CCDC32: variants seen among roughly 807,000 people sequenced by gnomAD.
CCDC32 encodes the protein coiled-coil domain-containing protein 32.
In CCDC32, 9 loss-of-function variants were observed where a neutral mutation model predicts 20.1. The observed-to-expected ratio is 0.45, with a 90% CI of 0.27 to 0.78. CCDC32 has a LOEUF of 0.78. Ranked by LOEUF, CCDC32 falls within the 30% of genes least tolerant of loss-of-function variation. The pLI is 0.16. For synonymous variants in CCDC32, 63 were observed against 79.0 expected (o/e 0.80, Z 1.07); for missense variants, 204 against 215.5 (o/e 0.95, Z 0.33).
chr15:40,547,149 A>G (rs1422944015), intron 3 of CCDC32, among the ~76,000 whole-genome samples: 1 of 151,976 alleles, frequency 6.6e-6, no homozygotes, highest in East Asian at 1.9e-4. Flanking sequence ...GGAATTGGAC[A>G]GGGTTTGGGT....
chr15:40,539,316 A>C (rs1185526301), exon 4 of CCDC32: 1 of 1,535,594 alleles, frequency 6.5e-7, no homozygotes, highest in South Asian at 1.2e-5. Flanking sequence ...CTCCATCCTC[A>C]GAAAAGCTGC....
chr15:40,528,156 C>T (rs1894923319), downstream of CCDC32, among the ~76,000 whole-genome samples: 1 of 152,210 alleles, frequency 6.6e-6, no homozygotes, highest in African/African-American at 2.4e-5. Flanking sequence ...AAGCTCTGGC[C>T]GCTCTCATGG....
intron 3 of CCDC32, among the ~76,000 whole-genome samples, chr15:40,543,776 C>T (rs1256362099): frequency 6.6e-6 from 1 of 152,070 alleles, no homozygotes; most frequent in Non-Finnish European, 1.5e-5. Flanking sequence ...TCTTTGGCCC[C>T]TCAGCTCTCT....
intron 3 of CCDC32, among the ~76,000 whole-genome samples, chr15:40,554,954 T>C (rs1566983576): frequency 6.6e-6 from 1 of 152,230 alleles, no homozygotes; most frequent in South Asian, 2.1e-4. Context: ...TATGGGGGAA[T>C]TTATGTTTTG....
At position 40,553,291 on chromosome 15, in the gene CCDC32, T is replaced by C; in HGVS notation, c.*680A>G. The C allele has an allele frequency of 1.0e-6, 1 of 985,384 alleles. No homozygotes were observed. Among genetic ancestry groups the C allele is most frequent in the Non-Finnish European group, 1.2e-6 (1 of 829,942 alleles). The allele number at this position is 985,384 out of a possible 1,614,324, so 61.0% of individuals were successfully genotyped here. ...GGCCCTTTTTAAGTGCAGGAGGAAGTTGGAGGAGAAGCCATGCATGAAGTA... is the reference window on the plus strand; with the variant it reads ...GGCCCTTTTTAAGTGCAGGAGGAAGCTGGAGGAGAAGCCATGCATGAAGTA... On this transcript the variant is annotated 3_prime_UTR_variant, in exon 4 of 4. Transcript: ENST00000416810.
intron 3 of CCDC32, among the ~76,000 whole-genome samples, chr15:40,541,616 G>A (rs1001431756): frequency 9.9e-5 from 15 of 152,106 alleles, no homozygotes; most frequent in Non-Finnish European, 1.5e-4. Context: ...ACAGGCCACC[G>A]CGCTTAGCCT....
At chr15:40,548,864 T>C (rs914754891), downstream of CCDC32, among the ~76,000 whole-genome samples, 7 of 152,166 alleles carry the variant, frequency 4.6e-5, no homozygotes, top group Non-Finnish European at 8.8e-5. Context: ...GGAGGGAATA[T>C]TGACTGAAGA....
chr15:40,522,237 T>A, the CCDC32 span, among the ~76,000 whole-genome samples: 2 of 152,206 alleles, frequency 1.3e-5, no homozygotes, highest in African/African-American at 4.8e-5. Context: ...TTCAATTGTC[T>A]TGACACTCTT....
At chr15:40,561,721 C>T (rs8042733) in intron 2 of CCDC32, among the ~76,000 whole-genome samples, 45,998 of 151,564 alleles carry the variant, frequency 0.3, 7,187 homozygotes, top group Middle Eastern at 0.38. Flanking sequence ...TAGGGCCAAG[C>T]GCGGTGGCAC....
At chr15:40,539,224 C>A, downstream of CCDC32, 1 of 1,533,312 alleles carries the variant, frequency 6.5e-7, no homozygotes, top group South Asian at 1.2e-5. Flanking sequence ...CTGCCTGGCC[C>A]GCCCTGGCTG....
chr15:40,560,525 A>G (rs750135712), intron 2 of CCDC32, among the ~76,000 whole-genome samples: 1 of 152,214 alleles, frequency 6.6e-6, no homozygotes, highest in Non-Finnish European at 1.5e-5. Context: ...CAGAAAGAAA[A>G]AAACAATCCC....
At position 40,557,236 on chromosome 15, in the gene CCDC32, A is replaced by G. The variant is rs1005756076; in HGVS notation, c.381T>C (p.Asp127=). Residue 127 remains aspartate (D), a synonymous_variant, in exon 3 of 4, where the codon GAT becomes GAC. Coordinates refer to ENST00000416810, the MANE Select transcript of CCDC32 (RefSeq NM_001080792.4). ...QEKLASEFFV[D]GLDSDESTLE... ...ATTACCTCTCATCAGAATCAAGTCC[A>G]TCCACAAAGAACTCTGAAGCTAACT... 8 of 1,613,384 alleles carry G rather than the reference A, an allele frequency of 5.0e-6. No individual in the cohort carries two copies. In the African/African-American group the frequency reaches 8.0e-5, roughly 16 times the overall value.
downstream of CCDC32, chr15:40,532,428 C>A: frequency 1.6e-6 from 1 of 626,406 alleles, no homozygotes; most frequent in Non-Finnish European, 2.9e-6. Context: ...TGTAGCAAGA[C>A]ACTTATCAGG....
chr15:40,524,739 C>CTTTTTTTTTTTT (rs758786719), downstream of CCDC32, among the ~76,000 whole-genome samples: 14 of 95,246 alleles, frequency 1.5e-4, 1 homozygote, highest in African/African-American at 6.8e-4. Flanking sequence ...CTTTTTCTTT[C>CTTTTTTTTTTTT]TTTTTTTTTT....
chr15:40,532,093 G>A (rs1168814894), downstream of CCDC32: 1 of 475,820 alleles, frequency 2.1e-6, no homozygotes, highest in African/African-American at 2.0e-5. Flanking sequence ...ATTTTGCTAA[G>A]TTGTTCTATT....
At chr15:40,559,816 T>C (rs1373947601) in intron 2 of CCDC32, among the ~76,000 whole-genome samples, 1 of 152,156 alleles carries the variant, frequency 6.6e-6, no homozygotes, top group Non-Finnish European at 1.5e-5. Context: ...CGACAAAGCA[T>C]ATAACAACAC....
At chr15:40,524,146 C>CTTTTTTTT (rs66753325), downstream of CCDC32, among the ~76,000 whole-genome samples, 1 of 89,138 alleles carries the variant, frequency 1.1e-5, no homozygotes, top group African/African-American at 4.6e-5. Context: ...CATGCATAAT[C>CTTTTTTTT]TTTTTTTTTT....
At chr15:40,550,704 A>G (rs1889816035), downstream of CCDC32, among the ~76,000 whole-genome samples, 1 of 152,222 alleles carries the variant, frequency 6.6e-6, no homozygotes, top group Non-Finnish European at 1.5e-5. Context: ...AACTATAGCT[A>G]CAACTCACTG....
downstream of CCDC32, chr15:40,535,346 G>C: frequency 8.5e-7 from 1 of 1,173,284 alleles, no homozygotes; most frequent in Non-Finnish European, 1.1e-6. Context: ...CATAGCATCT[G>C]TTTTAAAGTC....
Sources: allele counts gnomAD v4.1 joint callset (sites outside exome capture counted in the v4.1 genomes callset), GRCh38; gene constraint gnomAD v4.1.1; transcripts MANE v1.5; gene names NCBI Gene and HGNC (gene_info 2026-07-23, HGNC 2026-07-21).